The following HEXA variants were observed in gnomAD, a reference collection of about 807,000 sequenced individuals.
HEXA encodes hexosaminidase subunit alpha.
HEXA carries 54 observed loss-of-function variants against 73.3 expected under a neutral mutation model. The ratio of observed to expected loss-of-function variants is 0.74; its 90% CI spans 0.59 to 0.92. The LOEUF (loss-of-function observed/expected upper bound fraction) is 0.92. HEXA is among the 40% of genes least tolerant of loss of function. The pLI is 0.00. For missense variants in HEXA, 649 were observed against 653.0 expected, an observed-to-expected ratio of 0.99 and a Z score of 0.07; for synonymous variants, 230 against 246.9, an observed-to-expected ratio of 0.93 and a Z score of 0.64.
chr15:72,343,955 G>A lies in HEXA; in HGVS notation c.*122C>T, dbSNP rs929133285. 8 of 793,452 alleles carry A rather than the reference G, an allele frequency of 1.0e-5. No individual in the cohort carries two copies. The highest frequency in any genetic ancestry group is 1.6e-5 in the Non-Finnish European group (7 of 451,206). The allele number at this position is 793,452 out of a possible 1,614,324, so 49.2% of individuals were successfully genotyped here. A position where few individuals can be genotyped will look rare whatever the true frequency, so the allele number is the denominator to read the frequency against. On this transcript the variant is annotated 3_prime_UTR_variant, in exon 14 of 14. Coordinates refer to ENST00000268097, the MANE Select transcript of HEXA (RefSeq NM_000520.6). ...CCAGCACCGGCCCCTTTCTCTCCAA[G>A]CACAGGGGCACGCAGGCAAGGGGCA...
chr15:72,361,365 A>G (rs920760746), intron 1 of HEXA, among the ~76,000 whole-genome samples: 1 of 152,114 alleles, frequency 6.6e-6, no homozygotes, highest in South Asian at 2.1e-4. Flanking sequence ...CCAATGTACT[A>G]ATGTTACCCA....
intron 12 of HEXA, 55 bp downstream of exon 12, chr15:72,346,180 G>T: frequency 7.5e-7 from 1 of 1,334,000 alleles, no homozygotes; most frequent in Non-Finnish European, 1.1e-6. Flanking sequence ...GGGTCTCTAA[G>T]GGAGAACTCC....
At chr15:72,365,848 T>G (rs1008787488) in intron 1 of HEXA, among the ~76,000 whole-genome samples, 2 of 152,224 alleles carry the variant, frequency 1.3e-5, no homozygotes, top group Non-Finnish European at 2.9e-5. Context: ...CTTGGTAATC[T>G]TATTGTCAGG....
At chr15:72,363,589 T>G (rs771187926) in intron 1 of HEXA, among the ~76,000 whole-genome samples, 1 of 152,206 alleles carries the variant, frequency 6.6e-6, no homozygotes, top group Non-Finnish European at 1.5e-5. Flanking sequence ...TTAGTGCTGC[T>G]GAATTTAGTC....
chr15:72,356,109 C>A, intron 2 of HEXA: 1 of 383,916 alleles, frequency 2.6e-6, no homozygotes, highest in Non-Finnish European at 5.1e-6. Flanking sequence ...ACTTTGGAGA[C>A]TGAGAAGTCC....
intron 1 of HEXA, among the ~76,000 whole-genome samples, chr15:72,364,076 G>T (rs962387049): frequency 6.6e-6 from 1 of 151,956 alleles, no homozygotes; most frequent in African/African-American, 2.4e-5. Flanking sequence ...TTCAAGGTTC[G>T]CCAGTCAACA....
chr15:72,362,480 T>C (rs1013564435), intron 1 of HEXA: 7 of 455,704 alleles, frequency 1.5e-5, no homozygotes, highest in Non-Finnish European at 3.1e-5. Flanking sequence ...AAAAAATGAA[T>C]GATGTTGGAA....
At position 72,344,111 on chromosome 15, in the gene HEXA, A is replaced by T. The variant is rs2088580697; in HGVS notation, c.1556T>A (p.Val519Glu). ...TTCAAACTCCTGCTCACAGAAGCCT[A>T]CATTGAGGGGTTGGGCCTGGACACC... ...RRGVQAQPLN[V>E]GFCEQEFEQT The change falls in exon 14 of 14, where the codon GTA becomes GAA. Residue 519 changes from valine to glutamate, a missense_variant. Physicochemically the swap from Val to Glu is moderately radical, Grantham distance 121. Transcript: ENST00000268097. 1 of 1,613,910 alleles carries T rather than the reference A, an allele frequency of 6.2e-7. No homozygotes were observed. The highest frequency in any genetic ancestry group is 1.7e-4 in the Middle Eastern group (1 of 6,058).
intron 1 of HEXA, chr15:72,356,874 T>C: frequency 1.7e-6 from 1 of 571,780 alleles, no homozygotes; most frequent in Admixed American, 2.6e-5. Context: ...CAGGGCTCTA[T>C]ATTTCTGACT....
chr15:72,355,719 A>T lies in HEXA; in HGVS notation c.347-95T>A, dbSNP rs1405083402. ...CTATATAAATCACTGGACTAAAAAA[A>T]AAAAACAGTAAGACCATATATTTTA... On this transcript the variant is annotated intron_variant, in intron 2 of 13. Coordinates refer to ENST00000268097, the MANE Select transcript of HEXA (RefSeq NM_000520.6). The T allele has an allele frequency of 3.5e-6, 3 of 853,932 alleles. No homozygotes were observed. The African/African-American group carries it at 5.1e-5, about 15-fold the overall frequency. The allele number at this position is 853,932 out of a possible 1,614,324, so 52.9% of individuals were successfully genotyped here. A position where few individuals can be genotyped will look rare whatever the true frequency, so the allele number is the denominator to read the frequency against.
chr15:72,347,615 G>T, intron 10 of HEXA, 71 bp downstream of exon 10: 1 of 1,191,506 alleles, frequency 8.4e-7, no homozygotes, highest in Non-Finnish European at 1.3e-6. Context: ...TCTCTGTAGA[G>T]GCAGGGAGGA....
At chr15:72,367,403 A>G (rs187635152) in intron 1 of HEXA, among the ~76,000 whole-genome samples, 3 of 152,284 alleles carry the variant, frequency 2.0e-5, no homozygotes, top group African/African-American at 4.8e-5. Context: ...ACTTCCAAGC[A>G]GCCACCTCCT....
chr15:72,345,774 T>A, intron 12 of HEXA: 1 of 627,990 alleles, frequency 1.6e-6, no homozygotes, highest in Non-Finnish European at 2.8e-6. Context: ...ACTCTCTTCC[T>A]CTCTCAAAGA....
At chr15:72,362,902 C>T (rs1468245678) in intron 1 of HEXA, among the ~76,000 whole-genome samples, 1 of 152,094 alleles carries the variant, frequency 6.6e-6, no homozygotes, top group East Asian at 1.9e-4. Flanking sequence ...GGAAAAAAAA[C>T]ACATTGGTTT....
Position 72,348,113 on chromosome 15 carries a change from C to G in HEXA, c.1008G>C (p.Gln336His), listed in dbSNP as rs1555472602. 1.2e-6 allele frequency: 2 copies of G among 1,613,030 alleles called. No individual in the cohort carries two copies. Among genetic ancestry groups the G allele is most frequent in the East Asian group, 4.5e-5 (2 of 44,876 alleles). Residue 336 changes from glutamine (Q) to histidine (H), a missense_variant, in exon 9 of 14, where the codon CAG becomes CAC. Physicochemically the swap from Gln to His is conservative, Grantham distance 24. Transcript: ENST00000268097. Reference sequence around the variant, plus strand: ...CGAAGCCTTTCTTCCTCATAAAGTCCTGGATCTCTGGGTTGGACTTCCTGA... The same window carrying G: ...CGAAGCCTTTCTTCCTCATAAAGTCGTGGATCTCTGGGTTGGACTTCCTGA... ...FTCWKSNPEI[Q>H]DFMRKKGFGE...
chr15:72,350,300 C>T (rs2088677856), intron 7 of HEXA: 2 of 586,554 alleles, frequency 3.4e-6, no homozygotes, highest in African/African-American at 1.9e-5. Flanking sequence ...GAAAAATGTG[C>T]CCTTACATAG....
At position 72,355,614 on chromosome 15, in the gene HEXA, G is replaced by C; in HGVS notation, c.357C>G (p.Thr119=). 6.2e-7 allele frequency: 1 copy of C among 1,609,712 alleles called. No homozygotes were observed. The highest frequency in any genetic ancestry group is 1.1e-5 in the South Asian group (1 of 90,962). The change falls in exon 3 of 14, where the codon ACC becomes ACG. Residue 119 remains threonine (T), a synonymous_variant. Transcript: ENST00000268097. The part of the protein sequence containing the change: ...TLESVENYTL[T]INDDQCLLLS... Reference sequence around the variant, plus strand: ...GGAGTAAACACTGGTCATCATTTATGGTCAGGGTATCTGAAATGACAGAAA... The same window carrying C: ...GGAGTAAACACTGGTCATCATTTATCGTCAGGGTATCTGAAATGACAGAAA...
In HEXA at chr15:72,375,965, C is replaced by A. The variant is rs374524755; in HGVS notation, c.8G>T (p.Ser3Ile). Residue 3 changes from serine to isoleucine, a missense_variant, in exon 1 of 14, where the codon AGC becomes ATC. Ser to Ile is a moderately radical substitution (Grantham distance 142). Transcript: ENST00000268097. MT[S>I]SRLWFSLLLA... ...CAGCAGCGAAAACCAAAGCCTGGAG[C>A]TTGTCATGGCCCGCTGGTCTCCCCT... The A allele has an allele frequency of 6.2e-7, 1 of 1,613,706 alleles. No homozygotes were observed. The highest frequency in any genetic ancestry group is 8.5e-7 in the Non-Finnish European group (1 of 1,180,020).
intron 1 of HEXA, among the ~76,000 whole-genome samples, chr15:72,369,259 C>A (rs1398370220): frequency 6.6e-6 from 1 of 152,194 alleles, no homozygotes; most frequent in Non-Finnish European, 1.5e-5. Flanking sequence ...AAATATAATC[C>A]ATTTCTGTAT....
Sources: gnomAD v4.1 joint callset for allele counts (sites outside exome capture counted in the v4.1 genomes callset) on GRCh38, gnomAD v4.1.1 for gene constraint, MANE v1.5 for transcripts, NCBI Gene and HGNC (gene_info 2026-07-23, HGNC 2026-07-21) for gene names.